SEMA3C: variants seen among roughly 807,000 people sequenced by gnomAD.
SEMA3C encodes the protein semaphorin 3C.
SEMA3C carries 47 observed loss-of-function variants against 89.4 expected under a neutral mutation model. The observed-to-expected ratio is 0.53, with a 90% CI of 0.42 to 0.67. The LOEUF (loss-of-function observed/expected upper bound fraction) is 0.67. SEMA3C is among the 30% of genes least tolerant of loss of function. The probability of loss-of-function intolerance (pLI) is 0.00; values close to 1 mark genes in which losing one functional copy is unlikely to be tolerated. For synonymous variants in SEMA3C, 310 were observed against 320.2 expected (o/e 0.97, Z 0.34); for missense variants, 839 against 929.1 (o/e 0.90, Z 1.26).
chr7:80,838,732 G>C (rs1355680889), intron 2 of SEMA3C, among the ~76,000 whole-genome samples: 1 of 152,082 alleles, frequency 6.6e-6, no homozygotes, highest in Non-Finnish European at 1.5e-5. Context: ...CCTCTTACAT[G>C]GTGGCAAGAG....
intron 2 of SEMA3C, among the ~76,000 whole-genome samples, chr7:80,865,677 A>G (rs1790909110): frequency 6.6e-6 from 1 of 152,062 alleles, no homozygotes; most frequent in Admixed American, 6.6e-5. Context: ...CACCTGTAAT[A>G]TCAGCTATTC....
Position 80,742,796 on chromosome 7 carries a change from A to G in SEMA3C, c.*2098T>C, listed in dbSNP as rs773404590. 3.9e-5 allele frequency: 6 copies of G among 151,954 alleles called. No individual in the cohort carries two copies. The highest frequency in any genetic ancestry group is 8.8e-5 in the Non-Finnish European group (6 of 67,848). 9.4% of individuals were successfully genotyped at this position (151,954 alleles called of 1,614,324 possible). A position where few individuals can be genotyped will look rare whatever the true frequency, so the allele number is the denominator to read the frequency against. The stretch of plus-strand genomic sequence containing the variant: ...AAGCTACATAAAATAAAACCAATCA[A>G]CCACCAGTAGTATACATTAACAGCA... On this transcript the variant is annotated 3_prime_UTR_variant, in exon 18 of 18. Transcript: ENST00000265361.
At chr7:80,873,925 G>GT (rs1791134618) in intron 2 of SEMA3C, among the ~76,000 whole-genome samples, 1 of 152,042 alleles carries the variant, frequency 6.6e-6, no homozygotes, top group South Asian at 2.1e-4. Flanking sequence ...GAGTTATGTT[G>GT]TTGTTCCTGT....
rs1289417893 is a variant in SEMA3C at position 80,875,581 on chromosome 7, G to A, written c.103+41098C>T. Among the ~76,000 whole-genome samples the A allele has an allele frequency of 2.6e-5, 4 of 152,048 alleles. No homozygotes were observed. In the South Asian group the frequency reaches 6.2e-4, roughly 24 times the overall value. On this transcript the variant is annotated intron_variant, in intron 2 of 17. Coordinates refer to ENST00000265361, the MANE Select transcript of SEMA3C (RefSeq NM_006379.5). ...ACAATTTACAAGTTTTAAATTATGT[G>A]CTGCTCTGAGTAAGGTCATAAAATC...
chr7:80,836,757 T>C (rs1272712528), intron 2 of SEMA3C, among the ~76,000 whole-genome samples: 3 of 152,114 alleles, frequency 2.0e-5, no homozygotes, highest in South Asian at 2.1e-4. Context: ...CTCCCACGCA[T>C]TGCATCAGAG....
At chr7:80,847,566 C>T (rs778149053) in intron 2 of SEMA3C, among the ~76,000 whole-genome samples, 1 of 152,146 alleles carries the variant, frequency 6.6e-6, no homozygotes, top group Non-Finnish European at 1.5e-5. Flanking sequence ...ACTTAAACAA[C>T]ATTGGCATTG....
At chr7:80,848,147 T>G (rs1483020711) in intron 2 of SEMA3C, among the ~76,000 whole-genome samples, 1 of 152,238 alleles carries the variant, frequency 6.6e-6, no homozygotes, top group African/African-American at 2.4e-5. Flanking sequence ...AATTTGAGTA[T>G]GTCTAGTTTG....
intron 13 of SEMA3C, 64 bp downstream of exon 13, chr7:80,765,091 C>A (rs1182844779): frequency 1.8e-6 from 2 of 1,090,706 alleles, no homozygotes; most frequent in Non-Finnish European, 2.7e-6. Flanking sequence ...TCCCAAGTGG[C>A]TGTAAGATTA....
upstream of SEMA3C, among the ~76,000 whole-genome samples, chr7:80,920,225 A>G (rs1792382080): frequency 6.6e-6 from 1 of 152,186 alleles, no homozygotes; most frequent in Non-Finnish European, 1.5e-5. Flanking sequence ...TCTCCGGACC[A>G]CAATAAACTA....
At chr7:80,779,434 T>C (rs1408758147) in intron 12 of SEMA3C, among the ~76,000 whole-genome samples, 2 of 152,176 alleles carry the variant, frequency 1.3e-5, no homozygotes, top group African/African-American at 2.4e-5. Context: ...ATTTGCCAAG[T>C]CATATATCTA....
At chr7:80,788,795 T>G (rs549657281) in intron 12 of SEMA3C, among the ~76,000 whole-genome samples, 1 of 152,196 alleles carries the variant, frequency 6.6e-6, no homozygotes, top group Non-Finnish European at 1.5e-5. Flanking sequence ...AATGGCTTCA[T>G]GTATTGATTA....
intron 12 of SEMA3C, among the ~76,000 whole-genome samples, chr7:80,771,030 C>T (rs1175307909): frequency 1.3e-5 from 2 of 152,160 alleles, no homozygotes; most frequent in African/African-American, 4.8e-5. Flanking sequence ...CTCAGTTAAA[C>T]GAAGAAAACA....
intron 2 of SEMA3C, among the ~76,000 whole-genome samples, chr7:80,872,922 T>TG (rs376304664): frequency 0.046 from 4,590 of 99,024 alleles, 108 homozygotes; most frequent in Middle Eastern, 0.074. Context: ...AGAATGAGAG[T>TG]GAAAAAAAAA....
At chr7:80,750,783 T>C in intron 16 of SEMA3C, among the ~76,000 whole-genome samples, 1 of 151,904 alleles carries the variant, frequency 6.6e-6, no homozygotes, top group South Asian at 2.1e-4. Flanking sequence ...CTAGTTTCAG[T>C]TGGGGAAGAT....
chr7:80,777,110 T>C (rs1048260058), intron 12 of SEMA3C, among the ~76,000 whole-genome samples: 1 of 152,100 alleles, frequency 6.6e-6, no homozygotes, highest in Non-Finnish European at 1.5e-5. Flanking sequence ...TTAAAGTAAA[T>C]CTATAAAGTC....
rs377549563 is a variant in SEMA3C, at chr7:80,748,818, G to C, written c.1842+80C>G. 4.4e-5 allele frequency: 62 copies of C among 1,400,604 alleles called. No individual in the cohort carries two copies. The African/African-American group carries it at 7.7e-4, about 17-fold the overall frequency. 86.8% of individuals were successfully genotyped at this position (1,400,604 alleles called of 1,614,324 possible). On this transcript the variant is annotated intron_variant, in intron 17 of 17. Transcript: ENST00000265361. ...ATCATATGCCTTTCCTTTTTCCTTT[G>C]ATCTGAGCCTCGCTGAGGGACAGTG... is the stretch of plus-strand genomic sequence containing the variant.
Position 80,751,262 on chromosome 7 carries a change from T to C in SEMA3C, c.1711+7A>G, listed in dbSNP as rs1183250118. The C allele has an allele frequency of 1.2e-6, 2 of 1,613,186 alleles. No individual in the cohort carries two copies. Among genetic ancestry groups the C allele is most frequent in the South Asian group, 2.2e-5 (2 of 91,074 alleles). ...CACTGAGATTGGCCATTGCTCACTT[T>C]TAATACCTTTTAGATTAAATCCTCT... On this transcript the variant is annotated splice_region_variant and intron_variant, in intron 16 of 17. Transcript: ENST00000265361.
intron 2 of SEMA3C, among the ~76,000 whole-genome samples, chr7:80,886,213 TA>T (rs1010634859): frequency 1.1e-4 from 17 of 152,176 alleles, no homozygotes. Context: ...CTTTTTTTTT[TA>T]CTTTTAATTT....
chr7:80,791,137 GC>G (rs1363597363), intron 11 of SEMA3C, among the ~76,000 whole-genome samples: 6 of 151,936 alleles, frequency 3.9e-5, no homozygotes, highest in African/African-American at 1.4e-4. Context: ...AGAAAGGACT[GC>G]TGAACAGCGT....
Sources: gnomAD v4.1 joint callset for allele counts (sites outside exome capture counted in the v4.1 genomes callset) on GRCh38, gnomAD v4.1.1 for gene constraint, MANE v1.5 for transcripts, NCBI Gene and HGNC (gene_info 2026-07-23, HGNC 2026-07-21) for gene names.